The following WNT7B variants were observed in gnomAD, a reference collection of about 807,000 sequenced individuals.
WNT7B encodes Wnt family member 7B.
WNT7B carries 19 observed loss-of-function variants against 38.2 expected under a neutral mutation model. The observed-to-expected ratio is 0.50, with a 90% CI of 0.35 to 0.73. The LOEUF (loss-of-function observed/expected upper bound fraction) is 0.73. WNT7B is among the 30% of genes least tolerant of loss of function. The pLI is 0.01. For missense variants in WNT7B, 423 were observed against 507.9 expected (o/e 0.83, Z 1.61); for synonymous variants, 243 against 209.3 (o/e 1.16, Z -1.39).
At chr22:45,927,720 G>T (rs998132244) in intron 3 of WNT7B, 2 of 667,666 alleles carry the variant, frequency 3.0e-6, no homozygotes, top group Non-Finnish European at 5.5e-6. Flanking sequence ...ACATGGTGAA[G>T]CCCCATCTCT....
At position 45,943,118 on chromosome 22, in the gene WNT7B, T is replaced by A. The variant is rs540230194; in HGVS notation, c.298+6802A>T. ...GTTTGTGTGTGTGCATGTGTGTGTGTGCCAGGTGTACTGCTGTATGTCTCT... is the reference window on the plus strand; with the variant it reads ...GTTTGTGTGTGTGCATGTGTGTGTGAGCCAGGTGTACTGCTGTATGTCTCT... On this transcript the variant is annotated intron_variant, in intron 2 of 3. Coordinates refer to ENST00000339464, the MANE Select transcript of WNT7B (RefSeq NM_058238.3). Among the ~76,000 whole-genome samples the A allele has an allele frequency of 3.9e-5, 6 of 152,282 alleles. No individual in the cohort carries two copies. The East Asian group carries it at 1.2e-3, about 29-fold the overall frequency.
chr22:45,922,962 G>C lies in WNT7B; in HGVS notation c.944C>G (p.Thr315Ser). 6.2e-7 allele frequency: 1 copy of C among 1,613,452 alleles called. No homozygotes were observed. Among genetic ancestry groups the C allele is most frequent in the Non-Finnish European group, 8.5e-7 (1 of 1,179,884 alleles). ...CTGCCACACCTTGGTGTACTGGTGG[G>C]TGTTGTAGCCTCGGCCGCAGCACAT... ...DTMCCGRGYN[T>S]HQYTKVWQCN... The change falls in exon 4 of 4, where the codon ACC (threonine) becomes AGC (serine). Residue 315 changes from threonine to serine, a missense_variant. Coordinates refer to ENST00000339464, the MANE Select transcript of WNT7B (RefSeq NM_058238.3).
intron 2 of WNT7B, among the ~76,000 whole-genome samples, chr22:45,933,665 G>A (rs1231372374): frequency 6.6e-6 from 1 of 152,190 alleles, no homozygotes; most frequent in Non-Finnish European, 1.5e-5. Flanking sequence ...ACCTACCTCC[G>A]TGGAGTGGAG....
chr22:45,925,184 G>C (rs921190070), intron 3 of WNT7B: 8 of 982,404 alleles, frequency 8.1e-6, no homozygotes, highest in Non-Finnish European at 9.7e-6. Context: ...GGTGCCGGGT[G>C]GGCCCTAGGC....
At chr22:45,927,984 A>C (rs1931146211) in intron 3 of WNT7B, among the ~76,000 whole-genome samples, 1 of 152,200 alleles carries the variant, frequency 6.6e-6, no homozygotes, top group African/African-American at 2.4e-5. Context: ...GCCACAGCGG[A>C]GGAACACTGG....
chr22:45,928,380 T>G (rs1931162357), intron 3 of WNT7B, among the ~76,000 whole-genome samples: 1 of 152,214 alleles, frequency 6.6e-6, no homozygotes, highest in South Asian at 2.1e-4. Context: ...AGACCACGCT[T>G]GTGCCCCACA....
intron 1 of WNT7B, among the ~76,000 whole-genome samples, chr22:45,973,882 TG>T (rs1932501519): frequency 9.1e-6 from 1 of 109,310 alleles, no homozygotes. Context: ...TGGCTGCACG[TG>T]CCCAGGTGGC....
At chr22:45,932,883 A>C (rs1217502169) in intron 2 of WNT7B, among the ~76,000 whole-genome samples, 1 of 152,236 alleles carries the variant, frequency 6.6e-6, no homozygotes, top group East Asian at 1.9e-4. Context: ...GCACCTGCAC[A>C]GCCCTCAGTT....
chr22:45,972,325 C>A, intron 1 of WNT7B: 2 of 438,530 alleles, frequency 4.6e-6, no homozygotes, highest in East Asian at 3.9e-5. Flanking sequence ...CGGAGCTCCC[C>A]GATGCAGGGC....
intron 3 of WNT7B, chr22:45,925,952 T>C (rs1931069287): frequency 1.0e-6 from 1 of 985,182 alleles, no homozygotes; most frequent in Non-Finnish European, 1.2e-6. Flanking sequence ...CCTGGTACTG[T>C]GCCCTGTATC....
rs1292219129 is a variant in WNT7B, at chr22:45,976,456, C to T, written c.71+228G>A. On this transcript the variant is annotated intron_variant, in intron 1 of 3. Coordinates refer to ENST00000339464, the MANE Select transcript of WNT7B (RefSeq NM_058238.3). This position sits in a 1 kb window ranked among gnomAD's most constrained non-coding sequence, Gnocchi z 8.5. ...CGAGCCCGGCCGGACCGCCCGCGCG[C>T]CCCGCTCTCTCTCCTCCCGCGCTGG... 6.6e-6 allele frequency among the ~76,000 whole-genome samples: 1 copy of T among 151,976 alleles called. No homozygotes were observed. Among genetic ancestry groups the T allele is most frequent in the East Asian group, 2.0e-4 (1 of 5,096 alleles).
rs117806668 is a variant in WNT7B, at chr22:45,933,185, A to G, written c.299-1816T>C. Among the ~76,000 whole-genome samples the G allele has an allele frequency of 2.6e-3, 397 of 152,276 alleles. 11 individuals are homozygous for G. The East Asian group carries it at 0.067, about 26-fold the overall frequency. On this transcript the variant is annotated intron_variant, in intron 2 of 3. Transcript: ENST00000339464. ...TCTGTCTGCCGTCATGGAGGGAGCC[A>G]CAGCTTCCCGGGAACTTCCTTCCTG...
intron 1 of WNT7B, among the ~76,000 whole-genome samples, chr22:45,968,875 C>T (rs1172222536): frequency 6.6e-6 from 1 of 152,214 alleles, no homozygotes; most frequent in East Asian, 1.9e-4. Flanking sequence ...AGAGGGATCA[C>T]CATCCCAAGT....
chr22:45,957,817 G>A (rs1276586502), intron 1 of WNT7B, among the ~76,000 whole-genome samples: 6 of 150,592 alleles, frequency 4.0e-5, no homozygotes, highest in South Asian at 2.1e-4. Context: ...CTGCACACAC[G>A]CTCCATGGGG....
intron 2 of WNT7B, among the ~76,000 whole-genome samples, chr22:45,931,766 G>A (rs932058279): frequency 1.3e-5 from 2 of 152,182 alleles, no homozygotes; most frequent in Non-Finnish European, 2.9e-5. Context: ...GGGTGTCCAT[G>A]CCTCTGCTCC....
chr22:45,934,684 C>G (rs1338938528), intron 2 of WNT7B, among the ~76,000 whole-genome samples: 1 of 152,228 alleles, frequency 6.6e-6, no homozygotes, highest in African/African-American at 2.4e-5. Context: ...AGCCTCCCTT[C>G]CAGCCTCCCG....
intron 2 of WNT7B, among the ~76,000 whole-genome samples, chr22:45,934,192 A>C (rs900896845): frequency 1.3e-5 from 2 of 152,152 alleles, no homozygotes; most frequent in Non-Finnish European, 2.9e-5. Flanking sequence ...GAATTCAAAG[A>C]CCAGGAAGGC....
chr22:45,957,922 C>A (rs1017092776), intron 1 of WNT7B, among the ~76,000 whole-genome samples: 10 of 152,208 alleles, frequency 6.6e-5, no homozygotes, highest in African/African-American at 1.9e-4. Flanking sequence ...GCCCATCAGC[C>A]AGCCTGTCCC....
At chr22:45,972,698 G>T (rs1932477302) in intron 1 of WNT7B, 1 of 152,238 alleles carries the variant, frequency 6.6e-6, no homozygotes, top group South Asian at 2.1e-4. Flanking sequence ...TGCCCAAGTT[G>T]CCTTGGCTGG....
Sources: allele counts gnomAD v4.1 joint callset (sites outside exome capture counted in the v4.1 genomes callset), GRCh38; gene constraint gnomAD v4.1.1; non-coding constraint Gnocchi (gnomAD v3.1); transcripts MANE v1.5; gene names NCBI Gene and HGNC (gene_info 2026-07-23, HGNC 2026-07-21).